The following ELMO1 variants were observed in gnomAD, a reference collection of about 807,000 sequenced individuals.
ELMO1 encodes the protein engulfment and cell motility protein 1.
A neutral mutation model predicts 98.9 loss-of-function variants in ELMO1; 26 were observed. The observed-to-expected ratio is 0.26, with a 90% confidence interval of 0.19 to 0.36. The LOEUF is 0.36. ELMO1 is among the 10% of genes least tolerant of loss of function. ELMO1 has a pLI of 1.00. For synonymous variants in ELMO1, 346 were observed against 346.0 expected, an observed-to-expected ratio of 1.00 and a Z score of 0.00; for missense variants, 627 against 935.2, an observed-to-expected ratio of 0.67 and a Z score of 4.30.
intron 16 of ELMO1, among the ~76,000 whole-genome samples, chr7:36,955,326 A>T (rs1470197766): frequency 7.2e-5 from 11 of 152,046 alleles, no homozygotes. Context: ...CTTCATACTC[A>T]CCACTATAAC....
intron 6 of ELMO1, among the ~76,000 whole-genome samples, chr7:37,257,993 G>C (rs1215943436): frequency 6.6e-6 from 1 of 151,626 alleles, no homozygotes; most frequent in Non-Finnish European, 1.5e-5. Context: ...AATTAGGCCG[G>C]GCGTGGTGAC....
intron 1 of ELMO1, among the ~76,000 whole-genome samples, chr7:37,392,143 C>CA (rs111327973): frequency 1.8e-4 from 27 of 151,752 alleles, no homozygotes; most frequent in African/African-American, 5.3e-4. Flanking sequence ...GGATGGTAAA[C>CA]TTTTTTTTTT....
At chr7:37,013,668 A>T (rs1223928128) in intron 15 of ELMO1, 1 of 489,614 alleles carries the variant, frequency 2.0e-6, no homozygotes, top group Admixed American at 3.3e-5. Context: ...GACTCATAAA[A>T]GTCAGTCCCT....
At chr7:36,962,903 G>T (rs1355939860) in intron 16 of ELMO1, among the ~76,000 whole-genome samples, 1 of 152,076 alleles carries the variant, frequency 6.6e-6, no homozygotes, top group Non-Finnish European at 1.5e-5. Flanking sequence ...AAAGAAAATT[G>T]GAAAAGTATT....
At chr7:37,288,247 G>A (rs1248940465) in intron 4 of ELMO1, among the ~76,000 whole-genome samples, 4 of 145,570 alleles carry the variant, frequency 2.7e-5, no homozygotes, top group Non-Finnish European at 3.0e-5. Context: ...TTTTTGAGAT[G>A]GAGTTTCACT....
intron 10 of ELMO1, 137 bp downstream of exon 10, chr7:37,222,478 T>C (rs1164011014): frequency 2.3e-6 from 2 of 851,736 alleles, no homozygotes; most frequent in African/African-American, 1.7e-5. Context: ...CAGCGGAACA[T>C]AGCTGCTCTG....
At chr7:36,971,847 A>G (rs551947013) in intron 16 of ELMO1, among the ~76,000 whole-genome samples, 2 of 152,288 alleles carry the variant, frequency 1.3e-5, no homozygotes, top group East Asian at 3.9e-4. Flanking sequence ...GCTATTCTCA[A>G]ATATTAACTT....
intron 14 of ELMO1, among the ~76,000 whole-genome samples, chr7:37,123,764 G>A (rs184035879): frequency 2.0e-5 from 3 of 152,210 alleles, no homozygotes; most frequent in East Asian, 3.9e-4. Context: ...AGAAAAAGAG[G>A]GAATCCTCCC....
chr7:37,064,601 T>C (rs1796853480), intron 15 of ELMO1, among the ~76,000 whole-genome samples: 1 of 152,210 alleles, frequency 6.6e-6, no homozygotes, highest in African/African-American at 2.4e-5. Context: ...TGGCACACAA[T>C]ACGCACTCAG....
chr7:37,227,071 C>G (rs944523232), intron 8 of ELMO1, among the ~76,000 whole-genome samples: 1 of 152,222 alleles, frequency 6.6e-6, no homozygotes, highest in Non-Finnish European at 1.5e-5. Flanking sequence ...TCCTACTCCT[C>G]TCTTCCCAAT....
chr7:36,979,485 C>T (rs553576891), intron 16 of ELMO1, among the ~76,000 whole-genome samples: 1 of 152,260 alleles, frequency 6.6e-6, no homozygotes, highest in African/African-American at 2.4e-5. Flanking sequence ...CTTCTTACGC[C>T]TACTTTGCCC....
chr7:37,199,231 G>A lies in ELMO1; in HGVS notation c.1086+12155C>T, dbSNP rs570761547. On this transcript the variant is annotated intron_variant, in intron 13 of 21. Coordinates refer to ENST00000310758, the MANE Select transcript of ELMO1 (RefSeq NM_014800.11). ...GAGTTAAAGTTAATTACCGTAAAAA[G>A]TAAGAAGAACGAAGGTCAAGTATTA... Among the ~76,000 whole-genome samples the A allele has an allele frequency of 6.6e-5, 10 of 152,106 alleles. 1 individual carries two copies. The South Asian group carries it at 2.1e-3, about 32-fold the overall frequency.
At chr7:37,266,039 G>A (rs1424667114) in intron 5 of ELMO1, among the ~76,000 whole-genome samples, 1 of 152,140 alleles carries the variant, frequency 6.6e-6, no homozygotes, top group African/African-American at 2.4e-5. Flanking sequence ...TCCTGAACCT[G>A]CAAGAAACTC....
intron 16 of ELMO1, among the ~76,000 whole-genome samples, chr7:37,006,535 C>A (rs1793135943): frequency 1.3e-5 from 2 of 152,174 alleles, no homozygotes; most frequent in African/African-American, 4.8e-5. Context: ...TGCCTTTGCA[C>A]CATGCATTCT....
At chr7:37,031,978 A>G (rs1024726172) in intron 15 of ELMO1, among the ~76,000 whole-genome samples, 1 of 152,200 alleles carries the variant, frequency 6.6e-6, no homozygotes, top group African/African-American at 2.4e-5. Flanking sequence ...TAAGCATGTA[A>G]GTGTGTAGGA....
intron 15 of ELMO1, among the ~76,000 whole-genome samples, chr7:37,034,871 G>C (rs368479453): frequency 2.0e-5 from 3 of 152,140 alleles, no homozygotes; most frequent in Admixed American, 6.6e-5. Context: ...CAGAAAAAGT[G>C]TTCTTTTTGT....
At chr7:37,120,751 C>T (rs1321045350) in intron 14 of ELMO1, among the ~76,000 whole-genome samples, 1 of 152,186 alleles carries the variant, frequency 6.6e-6, no homozygotes, top group Non-Finnish European at 1.5e-5. Flanking sequence ...CTTAAATGTG[C>T]CTGTCTGACA....
At chr7:36,912,518 C>G (rs1472513111) in intron 16 of ELMO1, among the ~76,000 whole-genome samples, 2 of 152,160 alleles carry the variant, frequency 1.3e-5, no homozygotes, top group East Asian at 3.9e-4. Context: ...TTTGAAATTA[C>G]TAAAATATCC....
At chr7:36,968,531 C>CTTGT (rs1319539601) in intron 16 of ELMO1, among the ~76,000 whole-genome samples, 1 of 152,168 alleles carries the variant, frequency 6.6e-6, no homozygotes, top group African/African-American at 2.4e-5. Flanking sequence ...CTTTGTAAAG[C>CTTGT]ACACTGGCAT....
Sources: allele counts gnomAD v4.1 joint callset (sites outside exome capture counted in the v4.1 genomes callset), GRCh38; gene constraint gnomAD v4.1.1; transcripts MANE v1.5; gene names NCBI Gene and HGNC (gene_info 2026-07-23, HGNC 2026-07-21).